Variants in TXNDC16 observed in about 807,000 individuals in gnomAD.
TXNDC16 encodes thioredoxin domain containing 16, also known as thioredoxin domain-containing protein 16.
Under a neutral mutation model 85.6 loss-of-function variants are expected in TXNDC16, and 74 were observed. That is an observed-to-expected ratio of 0.86 (90% CI 0.72 to 1.05). TXNDC16 has a LOEUF of 1.05. Ranked by LOEUF, TXNDC16 falls within the 50% of genes least tolerant of loss-of-function variation. The pLI is 0.00. For synonymous variants in TXNDC16, 335 were observed against 326.5 expected (o/e 1.03, Z -0.28); for missense variants, 959 against 947.0 (o/e 1.01, Z -0.17).
intron 14 of TXNDC16, among the ~76,000 whole-genome samples, chr14:52,479,345 T>A (rs1423850280): frequency 6.6e-6 from 1 of 151,982 alleles, no homozygotes; most frequent in Non-Finnish European, 1.5e-5. Context: ...AATAAAGGCA[T>A]CCAAACTGGT....
At chr14:52,530,374 A>T (rs544589477) in intron 6 of TXNDC16, among the ~76,000 whole-genome samples, 1 of 30,100 alleles carries the variant, frequency 3.3e-5, no homozygotes. Flanking sequence ...ATTATTATAT[A>T]ATATTATATA....
Position 52,439,380 on chromosome 14 carries a change from A to C in TXNDC16, c.2018T>G (p.Val673Gly), listed in dbSNP as rs1458178631. Reference protein sequence around the residue: ...PCWLNLKNTPVGRGILRAYFD... With the variant: ...PCWLNLKNTPGGRGILRAYFD... ...ATATGCCCTCAAGATTCCTCTCCCC[A>C]CTGGAGTATTCTTTCTGCAAAAGGG... The change falls in exon 20 of 21, where the codon GTG (valine) becomes GGG (glycine). Residue 673 changes from valine (V) to glycine (G), a missense_variant. Transcript: ENST00000281741. 1 of 1,613,400 alleles carries C rather than the reference A, an allele frequency of 6.2e-7. No individual in the cohort carries two copies. Among genetic ancestry groups the C allele is most frequent in the Non-Finnish European group, 8.5e-7 (1 of 1,179,674 alleles).
Position 52,490,726 on chromosome 14 carries a change from T to C in TXNDC16, c.923+113A>G, listed in dbSNP as rs565226953. ...GCTCAGCAACTAGTTCTAACTATAT[T>C]GGAATCTATTAGAGATTTGAGTTTA... On this transcript the variant is annotated intron_variant, in intron 10 of 20. Coordinates refer to ENST00000281741, the MANE Select transcript of TXNDC16 (RefSeq NM_020784.3). 2.7e-5 allele frequency: 32 copies of C among 1,172,148 alleles called. No homozygotes were observed. In the South Asian group the frequency reaches 4.3e-4, roughly 16 times the overall value. The allele number at this position is 1,172,148 out of a possible 1,614,324, so 72.6% of individuals were successfully genotyped here.
At chr14:52,551,216 G>T (rs1237471827) in intron 1 of TXNDC16, among the ~76,000 whole-genome samples, 1 of 151,518 alleles carries the variant, frequency 6.6e-6, no homozygotes, top group Non-Finnish European at 1.5e-5. Context: ...GTTCCCTGTG[G>T]AATACTTAGC....
intron 4 of TXNDC16, among the ~76,000 whole-genome samples, chr14:52,540,455 T>A (rs1404347647): frequency 6.6e-6 from 1 of 152,044 alleles, no homozygotes; most frequent in African/African-American, 2.4e-5. Flanking sequence ...TGAAACCCCA[T>A]CTCTACTAAA....
chr14:52,530,303 TA>T (rs1198163598), intron 6 of TXNDC16, among the ~76,000 whole-genome samples: 1,724 of 52,658 alleles, frequency 0.033, 55 homozygotes, highest in Middle Eastern at 0.071. Context: ...TATATAATAT[TA>T]ATATATAATA....
chr14:52,509,234 A>C (rs779058688), intron 9 of TXNDC16, among the ~76,000 whole-genome samples: 17 of 152,136 alleles, frequency 1.1e-4, no homozygotes, highest in Non-Finnish European at 1.9e-4. Context: ...ATGTTGTAGC[A>C]AAGAAAAAAC....
Position 52,431,935 on chromosome 14 carries a change from G to A in TXNDC16, c.*369C>T, listed in dbSNP as rs1594672545. ...GAACTGTCCAATACAGTAGTCACAG[G>A]CCACATGTGGCAAGGAACACTTGAA... On this transcript the variant is annotated 3_prime_UTR_variant, in exon 21 of 21. Transcript: ENST00000281741. The A allele has an allele frequency of 5.5e-6, 1 of 180,282 alleles. No homozygotes were observed. The highest frequency in any genetic ancestry group is 1.7e-4 in the East Asian group (1 of 6,020). The allele number at this position is 180,282 out of a possible 1,614,324, so 11.2% of individuals were successfully genotyped here.
chr14:52,539,664 T>TA (rs1157511452), intron 4 of TXNDC16, among the ~76,000 whole-genome samples: 6 of 152,110 alleles, frequency 3.9e-5, no homozygotes, highest in African/African-American at 1.4e-4. Flanking sequence ...CAGGAAGAAG[T>TA]AAAAATGAAG....
intron 9 of TXNDC16, among the ~76,000 whole-genome samples, chr14:52,507,728 G>A (rs557047633): frequency 1.3e-5 from 2 of 152,192 alleles, no homozygotes; most frequent in East Asian, 1.9e-4. Flanking sequence ...ATAGACCAAT[G>A]GAACAGAACA....
intron 8 of TXNDC16, among the ~76,000 whole-genome samples, chr14:52,513,305 A>G (rs1057218720): frequency 5.3e-5 from 8 of 152,202 alleles, no homozygotes; most frequent in Admixed American, 1.3e-4. Flanking sequence ...GCTGAATGAA[A>G]GAATTAACAA....
intron 6 of TXNDC16, among the ~76,000 whole-genome samples, chr14:52,530,193 TTATA>T (rs551133444): frequency 1.3e-5 from 1 of 78,174 alleles, no homozygotes; most frequent in African/African-American, 5.4e-5. Context: ...TATATTATAT[TTATA>T]TATATTATAT....
intron 16 of TXNDC16, among the ~76,000 whole-genome samples, chr14:52,461,053 A>G (rs540623654): frequency 2.0e-5 from 3 of 151,472 alleles, no homozygotes; most frequent in African/African-American, 4.8e-5. Context: ...TTTTATCTAT[A>G]TCTTTTAGTT....
At chr14:52,480,601 C>A (rs1236501151) in intron 14 of TXNDC16, among the ~76,000 whole-genome samples, 1 of 151,900 alleles carries the variant, frequency 6.6e-6, no homozygotes, top group Non-Finnish European at 1.5e-5. Flanking sequence ...CAGGGAAATG[C>A]AATTCAAAAA....
At position 52,514,927 on chromosome 14, in the gene TXNDC16, T is replaced by TGTA. The variant is rs1323817049; in HGVS notation, c.555_557dup (p.Thr186dup). 6.2e-7 allele frequency: 1 copy of TGTA among 1,612,888 alleles called. No homozygotes were observed. The highest frequency in any genetic ancestry group is 1.3e-5 in the African/African-American group (1 of 74,880). ...TTTCTGTGGTTAAGACAAATTGGTA[T>TGTA]GTAGTCCCATACACAAAAGCGGCTT... On this transcript the variant is annotated inframe_insertion, in exon 8 of 21. Transcript: ENST00000281741.
intron 7 of TXNDC16, among the ~76,000 whole-genome samples, chr14:52,516,996 T>C (rs747678844): frequency 6.6e-6 from 1 of 152,130 alleles, no homozygotes; most frequent in Non-Finnish European, 1.5e-5. Flanking sequence ...CAGTCATCCT[T>C]CTTCAATCAT....
chr14:52,519,338 T>C, intron 6 of TXNDC16, 45 bp from the exon 7 acceptor site: 1 of 1,457,238 alleles, frequency 6.9e-7, no homozygotes, highest in Non-Finnish European at 9.4e-7. Context: ...CTGATATGTA[T>C]TTAGTTACAC....
chr14:52,547,563 A>G (rs2037964872), intron 1 of TXNDC16, among the ~76,000 whole-genome samples: 1 of 152,164 alleles, frequency 6.6e-6, no homozygotes, highest in Non-Finnish European at 1.5e-5. Context: ...GAACTCAGGG[A>G]ACAGAACTAG....
chr14:52,463,374 T>A lies in TXNDC16; in HGVS notation c.1619-6200A>T, dbSNP rs556031205. 4.6e-5 allele frequency among the ~76,000 whole-genome samples: 7 copies of A among 151,940 alleles called. No individual in the cohort carries two copies. The East Asian group carries it at 1.4e-3, about 29-fold the overall frequency. On this transcript the variant is annotated intron_variant, in intron 16 of 20. Transcript: ENST00000281741. Reference sequence around the variant, plus strand: ...CTATGCTTCCGGGGGTCGCTGGAAGTTCTACTATAGGTCCTATTTCTGACA... The same window carrying A: ...CTATGCTTCCGGGGGTCGCTGGAAGATCTACTATAGGTCCTATTTCTGACA...
Sources: allele counts gnomAD v4.1 joint callset (sites outside exome capture counted in the v4.1 genomes callset), GRCh38; gene constraint gnomAD v4.1.1; transcripts MANE v1.5; gene names NCBI Gene and HGNC (gene_info 2026-07-23, HGNC 2026-07-21).